TEX9: variants seen among roughly 807,000 people sequenced by gnomAD.
The protein encoded by TEX9 is testis expressed 9.
In TEX9, 74 loss-of-function variants were observed where a neutral mutation model predicts 59.6. That is an observed-to-expected ratio of 1.24 (90% CI 1.03 to 1.51). The LOEUF (loss-of-function observed/expected upper bound fraction) is 1.51. TEX9 is among the 40% of genes most tolerant of loss of function. TEX9 has a pLI of 0.00. For synonymous variants in TEX9, 186 were observed against 152.2 expected, an observed-to-expected ratio of 1.22 and a Z score of -1.64; for missense variants, 522 against 447.8, an observed-to-expected ratio of 1.17 and a Z score of -1.49.
intron 1 of TEX9, among the ~76,000 whole-genome samples, chr15:56,337,543 C>T (rs1300043666): frequency 2.6e-5 from 4 of 152,140 alleles, no homozygotes; most frequent in African/African-American, 7.2e-5. Context: ...TAGCCTTTTT[C>T]ATTGCCATAT....
chr15:56,387,201 A>T (rs1259457547), intron 4 of TEX9, among the ~76,000 whole-genome samples: 1 of 151,946 alleles, frequency 6.6e-6, no homozygotes, highest in Admixed American at 6.6e-5. Flanking sequence ...TACACTAGCA[A>T]AGTAATATCA....
chr15:56,339,409 A>C (rs1596102284), intron 1 of TEX9, among the ~76,000 whole-genome samples: 3 of 136,292 alleles, frequency 2.2e-5, no homozygotes, highest in Non-Finnish European at 4.9e-5. Flanking sequence ...AAAAAAAAAA[A>C]AAAAACAGGA....
At chr15:56,379,596 T>A (rs2047629569) in intron 3 of TEX9, among the ~76,000 whole-genome samples, 1 of 152,206 alleles carries the variant, frequency 6.6e-6, no homozygotes, top group African/African-American at 2.4e-5. Context: ...TGATGTTTGT[T>A]GAGTTTCTTT....
upstream of TEX9, among the ~76,000 whole-genome samples, chr15:56,360,519 T>C (rs759238102): frequency 5.3e-5 from 8 of 152,248 alleles, no homozygotes; most frequent in African/African-American, 1.4e-4. Context: ...TCCTTTATTA[T>C]CCTTTTAATT....
chr15:56,337,650 T>C (rs1651614269), intron 1 of TEX9, among the ~76,000 whole-genome samples: 1 of 152,220 alleles, frequency 6.6e-6, no homozygotes, highest in African/African-American at 2.4e-5. Context: ...CTTACCTCTG[T>C]CACACAAAGA....
chr15:56,437,718 C>T (rs1407832173), intron 12 of TEX9, among the ~76,000 whole-genome samples: 2 of 152,188 alleles, frequency 1.3e-5, no homozygotes, highest in Non-Finnish European at 2.9e-5. Flanking sequence ...TAGAAAACCC[C>T]ATTGTCTCAG....
At chr15:56,435,532 T>C (rs2050707661) in intron 12 of TEX9, among the ~76,000 whole-genome samples, 1 of 151,928 alleles carries the variant, frequency 6.6e-6, no homozygotes, top group South Asian at 2.1e-4. Context: ...AATACAGGAA[T>C]ACTACAAATT....
chr15:56,449,273 T>G (rs2140367654), downstream of TEX9, among the ~76,000 whole-genome samples: 1 of 147,498 alleles, frequency 6.8e-6, no homozygotes, highest in Middle Eastern at 3.5e-3. Flanking sequence ...ATTTTGCTAT[T>G]AAGGATAATG....
At chr15:56,364,106 A>G (rs1370882204), upstream of TEX9, among the ~76,000 whole-genome samples, 3 of 151,992 alleles carry the variant, frequency 2.0e-5, no homozygotes, top group Non-Finnish European at 4.4e-5. Context: ...TTTGAAACTA[A>G]AGGTTTTTAG....
At chr15:56,332,005 C>G (rs2046156461) in intron 1 of TEX9, among the ~76,000 whole-genome samples, 1 of 127,552 alleles carries the variant, frequency 7.8e-6, no homozygotes, top group Non-Finnish European at 1.7e-5. Context: ...AATAGGAACA[C>G]TTTTACACTG....
At chr15:56,252,379 C>CTTTTTTTTTTTTTTTTT (rs3050136) in intron 1 of TEX9, among the ~76,000 whole-genome samples, 1 of 119,700 alleles carries the variant, frequency 8.4e-6, no homozygotes. Context: ...TTAGAAAAAC[C>CTTTTTTTTTTTTTTTTT]TTTTTTTTTT....
At chr15:56,361,900 C>CT (rs2046796411), upstream of TEX9, among the ~76,000 whole-genome samples, 1 of 152,092 alleles carries the variant, frequency 6.6e-6, no homozygotes, top group African/African-American at 2.4e-5. Context: ...AGGTTTCAAG[C>CT]AAAACATAGT....
intron 12 of TEX9, chr15:56,444,364 G>A (rs538960347): frequency 8.3e-7 from 1 of 1,202,130 alleles, no homozygotes; most frequent in East Asian, 2.4e-5. Context: ...ACTGTTCTAG[G>A]TGCTTCAGTT....
At chr15:56,393,997 G>T in intron 7 of TEX9, 168 bp from the exon 8 acceptor site, 1 of 488,650 alleles carries the variant, frequency 2.0e-6, no homozygotes, top group Non-Finnish European at 3.6e-6. Flanking sequence ...ATTCGTCATT[G>T]ACCTTTTCAT....
At chr15:56,340,032 G>T (rs12441000) in intron 1 of TEX9, among the ~76,000 whole-genome samples, 6,691 of 152,188 alleles carry the variant, frequency 0.044, 223 homozygotes, top group Admixed American at 0.086. Flanking sequence ...AGTGGATAAT[G>T]ACTTGGGGAT....
intron 10 of TEX9, among the ~76,000 whole-genome samples, chr15:56,415,533 G>A (rs2049632611): frequency 6.6e-6 from 1 of 151,830 alleles, no homozygotes; most frequent in South Asian, 2.1e-4. Context: ...AGATCAGACG[G>A]TTGTAGATGT....
chr15:56,406,633 A>G (rs2049094090), intron 9 of TEX9, among the ~76,000 whole-genome samples: 1 of 152,114 alleles, frequency 6.6e-6, no homozygotes, highest in Non-Finnish European at 1.5e-5. Flanking sequence ...TTTTAATTTT[A>G]GCCATTCTAG....
upstream of TEX9, among the ~76,000 whole-genome samples, chr15:56,361,542 T>A (rs547500444): frequency 1.6e-4 from 25 of 152,314 alleles, no homozygotes; most frequent in Non-Finnish European, 3.2e-4. Context: ...AGTTTTATTG[T>A]GCTCTGGGAC....
intron 3 of TEX9, among the ~76,000 whole-genome samples, chr15:56,382,184 C>T (rs1010539174): frequency 1.3e-5 from 2 of 152,158 alleles, no homozygotes; most frequent in Non-Finnish European, 2.9e-5. Flanking sequence ...TGCTAGTGTT[C>T]ACTTAAAGCC....
Sources: allele counts gnomAD v4.1 joint callset (sites outside exome capture counted in the v4.1 genomes callset), GRCh38; gene constraint gnomAD v4.1.1; transcripts MANE v1.5; gene names NCBI Gene and HGNC (gene_info 2026-07-23, HGNC 2026-07-21).